SEC23B: variants seen among roughly 807,000 people sequenced by gnomAD.
SEC23B encodes protein transport protein Sec23B.
Under a neutral mutation model 104.3 loss-of-function variants are expected in SEC23B, and 77 were observed. The ratio of observed to expected loss-of-function variants is 0.74; its 90% CI spans 0.61 to 0.89. SEC23B has a LOEUF of 0.89. Ranked by LOEUF, SEC23B falls within the 40% of genes least tolerant of loss-of-function variation. SEC23B has a pLI of 0.00. For synonymous variants in SEC23B, 338 were observed against 332.5 expected, an observed-to-expected ratio of 1.02 and a Z score of -0.18; for missense variants, 885 against 949.4, an observed-to-expected ratio of 0.93 and a Z score of 0.89.
chr20:18,543,144 G>T lies in SEC23B; in HGVS notation c.1637G>T (p.Arg546Leu). 6.2e-7 allele frequency: 1 copy of T among 1,614,176 alleles called. No individual in the cohort carries two copies. Among genetic ancestry groups the T allele is most frequent in the Non-Finnish European group, 8.5e-7 (1 of 1,180,046 alleles). Residue 546 changes from arginine to leucine, a missense_variant, in exon 14 of 20, where the codon CGG becomes CTG. Coordinates refer to ENST00000650089, the MANE Select transcript of SEC23B (RefSeq NM_006363.6). ...AESEEGPDVL[R>L]WLDRQLIRLC... ...TCAGAGGAGGGGCCCGATGTGCTCC[G>T]GTGGCTGGACCGACAACTCATCCGA... is the stretch of plus-strand genomic sequence containing the variant.
intron 1 of SEC23B, 131 bp from the exon 2 acceptor site, chr20:18,510,690 CG>C: frequency 1.4e-6 from 1 of 716,092 alleles, no homozygotes; most frequent in Non-Finnish European, 2.5e-6. Flanking sequence ...CGCTTGAACC[CG>C]GGAGGTGGAG....
At chr20:18,526,806 CCG>C (rs1600243929) in intron 8 of SEC23B, among the ~76,000 whole-genome samples, 1 of 151,994 alleles carries the variant, frequency 6.6e-6, no homozygotes, top group East Asian at 1.9e-4. Flanking sequence ...CAGGCCAGTC[CCG>C]GTGGCTCACG....
At position 18,533,547 on chromosome 20, in the gene SEC23B, C is replaced by G. The variant is rs1445964979; in HGVS notation, c.1314+803C>G. The stretch of plus-strand genomic sequence containing the variant: ...CTGGCAAATGGGGATAATAACAGTG[C>G]CCACTCTACAGCATTGTTAGGAGGT... On this transcript the variant is annotated intron_variant, in intron 11 of 19. Coordinates refer to ENST00000650089, the MANE Select transcript of SEC23B (RefSeq NM_006363.6). Among the ~76,000 whole-genome samples the G allele has an allele frequency of 2.0e-5, 3 of 152,168 alleles. No individual in the cohort carries two copies. The East Asian group carries it at 5.8e-4, about 29-fold the overall frequency.
rs565513774 is a variant in SEC23B, at chr20:18,555,271, A to G, written c.2214+98A>G. On this transcript the variant is annotated intron_variant, in intron 19 of 19. Coordinates refer to ENST00000650089, the MANE Select transcript of SEC23B (RefSeq NM_006363.6). The stretch of plus-strand genomic sequence containing the variant: ...ATTGGATCTCTTTTGGCCTGGAGAC[A>G]GAATAACTGCGTAAGTTGGGTATTT... 3.5e-5 allele frequency: 34 copies of G among 984,270 alleles called. No homozygotes were observed. In the East Asian group the frequency reaches 8.5e-4, roughly 25 times the overall value. 61.0% of individuals were successfully genotyped at this position (984,270 alleles called of 1,614,324 possible).
At chr20:18,518,058 G>A (rs1042826556) in intron 4 of SEC23B, among the ~76,000 whole-genome samples, 10 of 152,136 alleles carry the variant, frequency 6.6e-5, no homozygotes, top group Admixed American at 4.6e-4. Flanking sequence ...TTGTCCTACC[G>A]TTCCTGAAGA....
chr20:18,509,773 A>T (rs2059965386), intron 1 of SEC23B: 1 of 152,112 alleles, frequency 6.6e-6, no homozygotes, highest in Non-Finnish European at 1.5e-5. Context: ...TTTTTAGTAG[A>T]GACGGAGTTT....
chr20:18,515,887 C>T, intron 4 of SEC23B, 151 bp downstream of exon 4: 2 of 675,200 alleles, frequency 3.0e-6, no homozygotes, highest in Admixed American at 4.2e-5. Context: ...TGTGCATCTA[C>T]TGGCATTGTT....
chr20:18,517,856 GAGA>G (rs2060043928), intron 4 of SEC23B, among the ~76,000 whole-genome samples: 1 of 152,186 alleles, frequency 6.6e-6, no homozygotes, highest in Non-Finnish European at 1.5e-5. Context: ...GTCCAAATAA[GAGA>G]AGGAGAAAAA....
chr20:18,555,129 G>A lies in SEC23B; in HGVS notation c.2170G>A (p.Val724Met). The change falls in exon 19 of 20, where the codon GTG becomes ATG. Residue 724 changes from valine to methionine, a missense_variant. By Grantham distance (21) the Val-to-Met change is conservative (BLOSUM62 1). Transcript: ENST00000650089. ...GSQARFLLSK[V>M]NPSQTHNNLY... ...AAAGGCTCGATTCCTTTTGTCCAAA[G>A]TGAACCCATCTCAGACACACAATAA... 1 of 1,613,852 alleles carries A rather than the reference G, an allele frequency of 6.2e-7. No homozygotes were observed. Among genetic ancestry groups the A allele is most frequent in the Non-Finnish European group, 8.5e-7 (1 of 1,179,878 alleles).
intron 6 of SEC23B, among the ~76,000 whole-genome samples, chr20:18,525,502 G>A (rs1228332843): frequency 2.0e-5 from 3 of 152,172 alleles, no homozygotes; most frequent in African/African-American, 7.2e-5. Flanking sequence ...ATGTCCTTAG[G>A]ATTTTTTTGC....
Position 18,561,030 on chromosome 20 carries a change from GTTTAGGTGAGAATCT to G in SEC23B, c.*292_*306del. The G allele has an allele frequency of 2.6e-6, 1 of 389,024 alleles. No individual in the cohort carries two copies. The highest frequency in any genetic ancestry group is 5.8e-5 in the East Asian group (1 of 17,206). The allele number at this position is 389,024 out of a possible 1,614,324, so 24.1% of individuals were successfully genotyped here. ...CAGAGGTAATGTATTTTGGCAGCTTGTTTAGGTGAGAATCTTAATGATCATAAAGGAAATAAATCT... is the reference window on the plus strand; with the variant it reads ...CAGAGGTAATGTATTTTGGCAGCTTGTAATGATCATAAAGGAAATAAATCT... On this transcript the variant is annotated 3_prime_UTR_variant, in exon 20 of 20. Transcript: ENST00000650089.
At chr20:18,508,268 T>C (rs2059949119) in intron 1 of SEC23B, 1 of 152,252 alleles carries the variant, frequency 6.6e-6, no homozygotes, top group African/African-American at 2.4e-5. Flanking sequence ...AAACGACTTT[T>C]GCTTCATGAC....
intron 3 of SEC23B, among the ~76,000 whole-genome samples, chr20:18,513,039 C>T (rs1042312500): frequency 1.3e-5 from 2 of 152,122 alleles, no homozygotes; most frequent in Non-Finnish European, 2.9e-5. Context: ...CAAAAATTAG[C>T]CAGGAGTGGT....
intron 2 of SEC23B, 116 bp from the exon 3 acceptor site, chr20:18,512,109 A>T: frequency 1.5e-6 from 1 of 677,876 alleles, no homozygotes; most frequent in Non-Finnish European, 2.6e-6. Context: ...AGAAACACTT[A>T]CTTGTGTGAT....
At chr20:18,524,334 T>C in intron 4 of SEC23B, 99 bp from the exon 5 acceptor site, 3 of 856,018 alleles carry the variant, frequency 3.5e-6, no homozygotes, top group South Asian at 2.7e-5. Context: ...AAACTAAATA[T>C]AGATGAAGAC....
At chr20:18,551,047 G>A in intron 16 of SEC23B, 42 bp from the exon 17 acceptor site, 1 of 1,265,916 alleles carries the variant, frequency 7.9e-7, no homozygotes, top group African/African-American at 1.5e-5. Flanking sequence ...TGTGTGGGGA[G>A]CAGGGAAGAC....
intron 1 of SEC23B, among the ~76,000 whole-genome samples, chr20:18,510,162 A>G (rs984274737): frequency 6.6e-6 from 1 of 152,174 alleles, no homozygotes; most frequent in South Asian, 2.1e-4. Flanking sequence ...TTAGAGAGGA[A>G]GATAGTTGGA....
chr20:18,516,653 G>A (rs976752175), intron 4 of SEC23B, among the ~76,000 whole-genome samples: 24 of 150,956 alleles, frequency 1.6e-4, no homozygotes, highest in African/African-American at 4.4e-4. Context: ...TCGGGTTCAC[G>A]CCATTCTCCT....
chr20:18,548,524 C>G, intron 15 of SEC23B, 85 bp from the exon 16 acceptor site: 1 of 1,376,832 alleles, frequency 7.3e-7, no homozygotes, highest in Non-Finnish European at 1.0e-6. Flanking sequence ...TCTCCTATTT[C>G]AGAGCCCTGA....
Sources: allele counts gnomAD v4.1 joint callset (sites outside exome capture counted in the v4.1 genomes callset), GRCh38; gene constraint gnomAD v4.1.1; transcripts MANE v1.5; gene names NCBI Gene and HGNC (gene_info 2026-07-23, HGNC 2026-07-21).